The following PARD3 variants were observed in gnomAD, a reference collection of about 807,000 sequenced individuals.
PARD3 encodes the protein par-3 family cell polarity regulator.
PARD3 carries 75 observed loss-of-function variants against 155.4 expected under a neutral mutation model. The observed-to-expected ratio is 0.48, with a 90% confidence interval of 0.40 to 0.58. The LOEUF is 0.58. Ranked by LOEUF, PARD3 falls within the 20% of genes least tolerant of loss-of-function variation. The probability of loss-of-function intolerance (pLI) is 0.00; values close to 1 mark genes in which losing one functional copy is unlikely to be tolerated. For missense variants in PARD3, 1,642 were observed against 1,721.7 expected (o/e 0.95, Z 0.82); for synonymous variants, 576 against 610.5 (o/e 0.94, Z 0.83).
At chr10:34,116,040 TAGAAAA>T (rs1466422912) in intron 24 of PARD3, among the ~76,000 whole-genome samples, 4 of 152,216 alleles carry the variant, frequency 2.6e-5, no homozygotes, top group Non-Finnish European at 4.4e-5. Context: ...TAAATTATTT[TAGAAAA>T]AGAAAAACAA....
chr10:34,343,620 T>C (rs1052821450), intron 15 of PARD3: 1 of 985,362 alleles, frequency 1.0e-6, no homozygotes, highest in African/African-American at 1.7e-5. Context: ...GGCTCCAAGA[T>C]TATACCAGGG....
At chr10:34,312,475 T>A in intron 20 of PARD3, 1 of 1,218,330 alleles carries the variant, frequency 8.2e-7, no homozygotes, top group Non-Finnish European at 1.2e-6. Context: ...GCCTAAGATG[T>A]ATAATCCAAA....
At chr10:34,807,064 A>G (rs984860533) in intron 1 of PARD3, among the ~76,000 whole-genome samples, 3 of 152,202 alleles carry the variant, frequency 2.0e-5, no homozygotes, top group African/African-American at 7.2e-5. Flanking sequence ...AGCTGGGTAG[A>G]AGGAGTCTCT....
At chr10:34,453,037 T>A (rs1478996035) in intron 4 of PARD3, among the ~76,000 whole-genome samples, 1 of 152,200 alleles carries the variant, frequency 6.6e-6, no homozygotes, top group African/African-American at 2.4e-5. Flanking sequence ...TCTCTAACAA[T>A]GTTCTGCACC....
chr10:34,335,662 A>G (rs1836099293), intron 18 of PARD3, among the ~76,000 whole-genome samples: 1 of 152,094 alleles, frequency 6.6e-6, no homozygotes, highest in South Asian at 2.1e-4. Flanking sequence ...TATATAGTCT[A>G]ATCCAACGTC....
At chr10:34,330,158 A>T (rs991291417) in intron 19 of PARD3, among the ~76,000 whole-genome samples, 18 of 152,172 alleles carry the variant, frequency 1.2e-4, no homozygotes, top group African/African-American at 4.3e-4. Flanking sequence ...TAAAACACTA[A>T]AAGGTAAATT....
At chr10:34,596,517 C>A (rs1228035688) in intron 2 of PARD3, among the ~76,000 whole-genome samples, 1 of 152,146 alleles carries the variant, frequency 6.6e-6, no homozygotes, top group Non-Finnish European at 1.5e-5. Flanking sequence ...GTGGGGAAAG[C>A]CCCTTATAAA....
chr10:34,507,715 A>G lies in PARD3; in HGVS notation c.403+9264T>C, dbSNP rs545679278. 6.6e-5 allele frequency among the ~76,000 whole-genome samples: 10 copies of G among 152,288 alleles called. No homozygotes were observed. The South Asian group carries it at 2.1e-3, about 32-fold the overall frequency. The stretch of plus-strand genomic sequence containing the variant: ...CTGCAATTAGCTAGAAAATTACAAT[A>G]ATTACAGCAATTTTGTATCCCATCT... On this transcript the variant is annotated intron_variant, in intron 3 of 24. Transcript: ENST00000374788.
chr10:34,564,116 T>C (rs1168418678), intron 2 of PARD3, among the ~76,000 whole-genome samples: 3 of 152,212 alleles, frequency 2.0e-5, no homozygotes, highest in Admixed American at 2.0e-4. Context: ...AATACTGACC[T>C]TCTCTATGCA....
chr10:34,726,092 T>C (rs775412583), intron 1 of PARD3, among the ~76,000 whole-genome samples: 3 of 152,238 alleles, frequency 2.0e-5, no homozygotes, highest in Non-Finnish European at 4.4e-5. Context: ...ACAGATGCCA[T>C]ATAACTTCCT....
At chr10:34,550,357 G>A (rs1020148612) in intron 2 of PARD3, among the ~76,000 whole-genome samples, 1 of 152,134 alleles carries the variant, frequency 6.6e-6, no homozygotes, top group African/African-American at 2.4e-5. Context: ...GACTACAGGT[G>A]TGTACCACCA....
At chr10:34,682,270 G>A (rs1171818475) in intron 2 of PARD3, among the ~76,000 whole-genome samples, 1 of 147,870 alleles carries the variant, frequency 6.8e-6, no homozygotes, top group African/African-American at 2.7e-5. Context: ...AGGAACTTCA[G>A]AATTCTTGCG....
intron 22 of PARD3, among the ~76,000 whole-genome samples, chr10:34,199,295 C>T (rs940817547): frequency 6.6e-5 from 10 of 152,160 alleles, no homozygotes; most frequent in African/African-American, 1.2e-4. Flanking sequence ...CACAATTAAC[C>T]TTGCTTGCTA....
chr10:34,448,327 G>GAA (rs34058630), intron 5 of PARD3, among the ~76,000 whole-genome samples: 79 of 144,442 alleles, frequency 5.5e-4, no homozygotes, highest in East Asian at 8.0e-4. Context: ...TGGAATCTTG[G>GAA]AAAAAAAAAA....
chr10:34,563,377 A>G (rs2085659136), intron 2 of PARD3, among the ~76,000 whole-genome samples: 1 of 152,068 alleles, frequency 6.6e-6, no homozygotes, highest in South Asian at 2.1e-4. Flanking sequence ...TTGTCTGTTT[A>G]TTTGTTTTAA....
intron 5 of PARD3, among the ~76,000 whole-genome samples, chr10:34,447,736 C>A (rs1282360707): frequency 6.7e-6 from 1 of 148,634 alleles, no homozygotes; most frequent in Non-Finnish European, 1.5e-5. Flanking sequence ...ACCCAGGAGG[C>A]AGAGGTTGTG....
intron 19 of PARD3, among the ~76,000 whole-genome samples, chr10:34,321,457 G>A (rs929411811): frequency 2.6e-5 from 4 of 152,144 alleles, no homozygotes; most frequent in Admixed American, 6.6e-5. Context: ...TACACAAAGA[G>A]CGATGATTAT....
intron 1 of PARD3, among the ~76,000 whole-genome samples, chr10:34,782,323 G>C (rs972120432): frequency 2.0e-5 from 3 of 152,246 alleles, no homozygotes; most frequent in Admixed American, 6.5e-5. Context: ...TCCACTGGGC[G>C]CTGGAGCAAA....
chr10:34,737,468 G>A (rs2094936280), intron 1 of PARD3, among the ~76,000 whole-genome samples: 1 of 152,206 alleles, frequency 6.6e-6, no homozygotes, highest in Admixed American at 6.5e-5. Flanking sequence ...TTTTACCACA[G>A]AGGTGAAAAT....
Sources: gnomAD v4.1 joint callset for allele counts (sites outside exome capture counted in the v4.1 genomes callset) on GRCh38, gnomAD v4.1.1 for gene constraint, MANE v1.5 for transcripts, NCBI Gene and HGNC (gene_info 2026-07-23, HGNC 2026-07-21) for gene names.